The following SRPK2 variants were observed in gnomAD, a reference collection of about 807,000 sequenced individuals.
The protein encoded by SRPK2 is SRSF protein kinase 2, also known as SFRS protein kinase 2.
In SRPK2, 21 loss-of-function variants were observed where a neutral mutation model predicts 90.8. The observed-to-expected ratio is 0.23, with a 90% CI of 0.16 to 0.33. SRPK2 has a LOEUF of 0.33. Ranked by LOEUF, SRPK2 falls within the 10% of genes least tolerant of loss-of-function variation. The pLI is 1.00. For synonymous variants in SRPK2, 288 were observed against 311.1 expected, an observed-to-expected ratio of 0.93 and a Z score of 0.78; for missense variants, 620 against 869.0, an observed-to-expected ratio of 0.71 and a Z score of 3.60.
chr7:105,183,974 A>ATTTTTTTTTTTTTTTTTTTTTTTTTTT (rs57622134), intron 3 of SRPK2, among the ~76,000 whole-genome samples: 1 of 116,280 alleles, frequency 8.6e-6, no homozygotes. Context: ...ACTATTACCA[A>ATTTTTTTTTTTTTTTTTTTTTTTTTTT]TTTTTTTTTT....
chr7:105,349,003 G>T (rs938035441), intron 2 of SRPK2, among the ~76,000 whole-genome samples: 1 of 151,140 alleles, frequency 6.6e-6, no homozygotes, highest in African/African-American at 2.4e-5. Context: ...AAAATTAGCC[G>T]GGCGTGGTGG....
intron 3 of SRPK2, among the ~76,000 whole-genome samples, chr7:105,171,342 TA>T (rs1791122575): frequency 6.6e-6 from 1 of 152,252 alleles, no homozygotes; most frequent in African/African-American, 2.4e-5. Flanking sequence ...ATCTACATTT[TA>T]TTCTTTTTAT....
chr7:105,163,211 G>C (rs954992371), intron 6 of SRPK2, among the ~76,000 whole-genome samples: 1 of 152,142 alleles, frequency 6.6e-6, no homozygotes, highest in African/African-American at 2.4e-5. Flanking sequence ...GTTTGTTAAA[G>C]TATCTGAACA....
chr7:105,345,850 G>A (rs1161453527), intron 2 of SRPK2, among the ~76,000 whole-genome samples: 3 of 152,166 alleles, frequency 2.0e-5, no homozygotes, highest in Non-Finnish European at 2.9e-5. Flanking sequence ...ATTAAAAACC[G>A]GTTCCTCAGT....
chr7:105,252,974 C>T (rs778119375), intron 2 of SRPK2, among the ~76,000 whole-genome samples: 19 of 152,088 alleles, frequency 1.2e-4, no homozygotes, highest in Non-Finnish European at 2.6e-4. Context: ...AACTCCTGAC[C>T]TCAGGGGATC....
In SRPK2 at chr7:105,170,902, AG is replaced by A. The variant is rs1585037919; in HGVS notation, c.230-1638del. ...AAGAAAGAAAGAAAGAAAGAAAGAA[AG>A]AAAGAAAGAAAGGAGAAAGAAAAAG... On this transcript the variant is annotated intron_variant, in intron 3 of 15. Transcript: ENST00000393651. Among the ~76,000 whole-genome samples, 134 of 101,270 alleles carry A rather than the reference AG, an allele frequency of 1.3e-3. 3 individuals are homozygous for A. Among genetic ancestry groups the A allele is most frequent in the Middle Eastern group, 4.9e-3 (1 of 204 alleles). 66.4% of individuals were successfully genotyped at this position (101,270 alleles called of 152,430 possible). A position where few individuals can be genotyped will look rare whatever the true frequency, so the allele number is the denominator to read the frequency against.
chr7:105,256,348 TGTAC>T (rs1268775412), intron 2 of SRPK2, among the ~76,000 whole-genome samples: 3 of 152,162 alleles, frequency 2.0e-5, no homozygotes, highest in African/African-American at 4.8e-5. Flanking sequence ...TATGTATGTA[TGTAC>T]GTACGTATGT....
intron 3 of SRPK2, among the ~76,000 whole-genome samples, chr7:105,182,936 CAT>C (rs1211387226): frequency 6.6e-6 from 1 of 152,058 alleles, no homozygotes; most frequent in East Asian, 1.9e-4. Context: ...AAAAAAAAAT[CAT>C]ATTTCTATTA....
chr7:105,146,502 C>T lies in SRPK2; in HGVS notation c.778G>A (p.Gly260Arg), dbSNP rs1278911723. The T allele has an allele frequency of 1.2e-6, 2 of 1,614,144 alleles. No homozygotes were observed. Among genetic ancestry groups the T allele is most frequent in the Non-Finnish European group, 1.7e-6 (2 of 1,180,004 alleles). Residue 260 changes from glycine (G) to arginine (R), a missense_variant, in exon 8 of 16, where the codon GGG (glycine) becomes AGG (arginine). Physicochemically the swap from Gly to Arg is moderately radical, Grantham distance 125. Coordinates refer to ENST00000393651, the MANE Select transcript of SRPK2 (RefSeq NM_182692.3). The part of the protein sequence containing the change: ...WQKAGAPPPS[G>R]SAVSTAPQQK... ...GGCTCAGCTCCCTCACCTGCAGACC[C>T]TGAAGGAGGAGGAGCACCTGCTTTC...
At chr7:105,188,244 A>C (rs1471490869) in intron 3 of SRPK2, among the ~76,000 whole-genome samples, 1 of 152,226 alleles carries the variant, frequency 6.6e-6, no homozygotes. Context: ...GAAGCCAAAC[A>C]CAAAAAGTGA....
intron 13 of SRPK2, among the ~76,000 whole-genome samples, chr7:105,131,857 T>C (rs1802050885): frequency 6.6e-6 from 1 of 152,104 alleles, no homozygotes. Context: ...AGGAAAAGCA[T>C]GAAACCCAAC....
intron 2 of SRPK2, among the ~76,000 whole-genome samples, chr7:105,284,752 C>T (rs560173875): frequency 3.4e-4 from 51 of 152,236 alleles, no homozygotes; most frequent in Non-Finnish European, 6.6e-4. Flanking sequence ...ACAAAAATAT[C>T]TTTCACTGCA....
At chr7:105,143,011 AT>A in intron 10 of SRPK2, 72 bp downstream of exon 10, 1 of 1,547,622 alleles carries the variant, frequency 6.5e-7, no homozygotes, top group Non-Finnish European at 8.7e-7. Context: ...ATCAGCCCCC[AT>A]GTTGACCTGG....
At chr7:105,317,606 G>A (rs919494742) in intron 2 of SRPK2, among the ~76,000 whole-genome samples, 1 of 152,106 alleles carries the variant, frequency 6.6e-6, no homozygotes, top group Admixed American at 6.6e-5. Flanking sequence ...GGATGGGGTT[G>A]AATATTTTCT....
chr7:105,396,757 G>GGAAAGAGAGAGAAA (rs1479195462), intron 1 of SRPK2, among the ~76,000 whole-genome samples: 2 of 145,792 alleles, frequency 1.4e-5, no homozygotes, highest in Non-Finnish European at 3.0e-5. Context: ...GGAGAGGAGA[G>GGAAAGAGAGAGAAA]GAAAGAGAGA....
At chr7:105,229,395 C>T (rs1256869448) in intron 2 of SRPK2, among the ~76,000 whole-genome samples, 4 of 151,828 alleles carry the variant, frequency 2.6e-5, no homozygotes, top group South Asian at 2.1e-4. Flanking sequence ...ACCCGGGAGG[C>T]GGAGCTTGCA....
intron 2 of SRPK2, among the ~76,000 whole-genome samples, chr7:105,292,816 G>A (rs1277663025): frequency 6.6e-6 from 1 of 152,170 alleles, no homozygotes; most frequent in Non-Finnish European, 1.5e-5. Flanking sequence ...AACCATCTAT[G>A]GCACTTGAAT....
chr7:105,227,893 C>CAAAAAAAAAAAAA (rs566478716), intron 2 of SRPK2, among the ~76,000 whole-genome samples: 3 of 84,690 alleles, frequency 3.5e-5, no homozygotes, highest in Non-Finnish European at 4.9e-5. Flanking sequence ...TATCATTCAG[C>CAAAAAAAAAAAAA]AAAAAAAAAA....
At chr7:105,290,847 G>C (rs1350673503) in intron 2 of SRPK2, among the ~76,000 whole-genome samples, 4 of 148,452 alleles carry the variant, frequency 2.7e-5, no homozygotes, top group African/African-American at 9.9e-5. Flanking sequence ...GACCATCCTG[G>C]CTAACAAGGT....
Sources: gnomAD v4.1 joint callset for allele counts (sites outside exome capture counted in the v4.1 genomes callset) on GRCh38, gnomAD v4.1.1 for gene constraint, MANE v1.5 for transcripts, NCBI Gene and HGNC (gene_info 2026-07-23, HGNC 2026-07-21) for gene names.